Variants in MCU observed in about 807,000 individuals in gnomAD.
MCU encodes calcium uniporter protein, mitochondrial.
A neutral mutation model predicts 45.2 loss-of-function variants in MCU; 12 were observed. The ratio of observed to expected loss-of-function variants is 0.27; its 90% CI spans 0.17 to 0.43. MCU has a LOEUF of 0.43. Ranked by LOEUF, MCU falls within the 20% of genes least tolerant of loss-of-function variation. The probability of loss-of-function intolerance (pLI) is 1.00; values close to 1 mark genes in which losing one functional copy is unlikely to be tolerated. For synonymous variants in MCU, 160 were observed against 165.1 expected, an observed-to-expected ratio of 0.97 and a Z score of 0.24; for missense variants, 324 against 436.7, an observed-to-expected ratio of 0.74 and a Z score of 2.30.
At chr10:72,796,693 G>GTTTTTTTTTTTTTTTTTTTTTTTTTTGT (rs34029455) in intron 1 of MCU, among the ~76,000 whole-genome samples, 1 of 133,964 alleles carries the variant, frequency 7.5e-6, no homozygotes. Flanking sequence ...TTTAGTTTTT[G>GTTTTTTTTTTTTTTTTTTTTTTTTTTGT]TTTTTTTTTT....
At chr10:72,737,920 G>A (rs765390542) in intron 1 of MCU, among the ~76,000 whole-genome samples, 7 of 152,210 alleles carry the variant, frequency 4.6e-5, no homozygotes, top group Non-Finnish European at 7.4e-5. Flanking sequence ...TAGGAACTCC[G>A]TATTCTTTCT....
chr10:72,841,577 C>T (rs1301043936), intron 2 of MCU, among the ~76,000 whole-genome samples: 4 of 152,170 alleles, frequency 2.6e-5, no homozygotes, highest in Admixed American at 1.3e-4. Flanking sequence ...GGATTACAGG[C>T]GTGAACCACC....
chr10:72,747,384 T>C (rs904999742), intron 1 of MCU, among the ~76,000 whole-genome samples: 2 of 152,218 alleles, frequency 1.3e-5, no homozygotes, highest in African/African-American at 4.8e-5. Flanking sequence ...CTTTTCGTTG[T>C]TTTAAAAAAT....
chr10:72,704,846 G>A (rs1251554989), intron 1 of MCU, among the ~76,000 whole-genome samples: 5 of 150,602 alleles, frequency 3.3e-5, no homozygotes, highest in South Asian at 2.1e-4. Flanking sequence ...TCAGCCTCCC[G>A]AGTAGCTGGG....
intron 1 of MCU, among the ~76,000 whole-genome samples, chr10:72,806,968 T>C (rs910419975): frequency 6.6e-6 from 1 of 152,142 alleles, no homozygotes; most frequent in African/African-American, 2.4e-5. Context: ...CAAAATAAGG[T>C]TGGGAGAGGC....
In MCU at chr10:72,871,481, C is replaced by T; in HGVS notation, c.762C>T (p.Thr254=). Residue 254 remains threonine, a synonymous_variant, in exon 6 of 8, where the codon ACC becomes ACT. Coordinates refer to ENST00000373053, the MANE Select transcript of MCU (RefSeq NM_138357.3). ...ATQFGILARL[T]WWEYSWDIME... The stretch of plus-strand genomic sequence containing the variant: ...AGTTTGGCATTTTGGCCCGGCTTAC[C>T]TGGTGGGAATATTCCTGGGACATCA... 6.2e-7 allele frequency: 1 copy of T among 1,614,202 alleles called. No individual in the cohort carries two copies. The highest frequency in any genetic ancestry group is 1.3e-5 in the African/African-American group (1 of 75,046).
intron 1 of MCU, among the ~76,000 whole-genome samples, chr10:72,777,937 G>C (rs1843920680): frequency 6.6e-6 from 1 of 152,122 alleles, no homozygotes; most frequent in Admixed American, 6.5e-5. Context: ...AAAATGCTCA[G>C]CATCACTAAT....
chr10:72,794,931 C>T (rs1048871483), intron 1 of MCU, among the ~76,000 whole-genome samples: 2 of 152,056 alleles, frequency 1.3e-5, no homozygotes, highest in African/African-American at 4.8e-5. Flanking sequence ...GCCCAGAGTG[C>T]ATTTCTTCAT....
At chr10:72,837,859 T>G (rs1380229234) in intron 2 of MCU, among the ~76,000 whole-genome samples, 1 of 147,670 alleles carries the variant, frequency 6.8e-6, no homozygotes, top group Non-Finnish European at 1.5e-5. Context: ...AATACTGGTT[T>G]TTTTTTTTTT....
intron 1 of MCU, among the ~76,000 whole-genome samples, chr10:72,753,657 T>G (rs1027459182): frequency 6.6e-6 from 1 of 152,176 alleles, no homozygotes; most frequent in African/African-American, 2.4e-5. Flanking sequence ...GGTAGATCGC[T>G]TGAGCCCAGA....
chr10:72,726,560 T>C (rs1900135), intron 1 of MCU, among the ~76,000 whole-genome samples: 95,761 of 151,812 alleles, frequency 0.63, 31,738 homozygotes, highest in African/African-American at 0.73. Context: ...CATATCCTTA[T>C]ATACAGGTAC....
At chr10:72,874,415 GC>G (rs1845590212) in intron 6 of MCU, among the ~76,000 whole-genome samples, 1 of 152,130 alleles carries the variant, frequency 6.6e-6, no homozygotes, top group African/African-American at 2.4e-5. Flanking sequence ...CATCGGAAAA[GC>G]TTTTTCTGTT....
chr10:72,747,468 T>G (rs1320765939), intron 1 of MCU, among the ~76,000 whole-genome samples: 2 of 152,188 alleles, frequency 1.3e-5, no homozygotes, highest in African/African-American at 4.8e-5. Context: ...TTTTGTTGCT[T>G]TTGCACTTCG....
chr10:72,816,296 A>G (rs1233067797), intron 1 of MCU, among the ~76,000 whole-genome samples: 1 of 152,210 alleles, frequency 6.6e-6, no homozygotes, highest in Non-Finnish European at 1.5e-5. Flanking sequence ...GAAAACTTTA[A>G]AATATTTTTT....
intron 1 of MCU, among the ~76,000 whole-genome samples, chr10:72,798,002 G>GCAAAAAA (rs1844277340): frequency 6.6e-6 from 1 of 151,914 alleles, no homozygotes; most frequent in Non-Finnish European, 1.5e-5. Flanking sequence ...ACTTCCATGA[G>GCAAAAAA]CTTCAGATTG....
intron 5 of MCU, among the ~76,000 whole-genome samples, chr10:72,870,572 G>A (rs976870399): frequency 6.6e-6 from 1 of 152,038 alleles, no homozygotes; most frequent in Non-Finnish European, 1.5e-5. Context: ...GTGAGCCACC[G>A]CGCCCAGCTT....
chr10:72,839,136 C>T (rs751924414), intron 2 of MCU, among the ~76,000 whole-genome samples: 7 of 152,052 alleles, frequency 4.6e-5, no homozygotes, highest in Non-Finnish European at 1.0e-4. Context: ...ATTACAAGCA[C>T]GCACCATCAC....
At chr10:72,788,867 G>A (rs1022999798) in intron 1 of MCU, among the ~76,000 whole-genome samples, 1 of 152,222 alleles carries the variant, frequency 6.6e-6, no homozygotes, top group Non-Finnish European at 1.5e-5. Context: ...AGGTACTGCA[G>A]TGAACCAGGT....
At chr10:72,833,442 C>A (rs545375301) in intron 1 of MCU, among the ~76,000 whole-genome samples, 2 of 150,400 alleles carry the variant, frequency 1.3e-5, no homozygotes, top group South Asian at 4.2e-4. Context: ...GATAGTCATA[C>A]AAAGTCCATC....
Sources: allele counts gnomAD v4.1 joint callset (sites outside exome capture counted in the v4.1 genomes callset), GRCh38; gene constraint gnomAD v4.1.1; transcripts MANE v1.5; gene names NCBI Gene and HGNC (gene_info 2026-07-23, HGNC 2026-07-21).